CNTN5: variants seen among roughly 807,000 people sequenced by gnomAD.
CNTN5 encodes the protein contactin-5.
A neutral mutation model predicts 129.1 loss-of-function variants in CNTN5; 77 were observed. The observed-to-expected ratio is 0.60, with a 90% confidence interval of 0.50 to 0.72. CNTN5 has a LOEUF of 0.72. Ranked by LOEUF, CNTN5 falls within the 30% of genes least tolerant of loss-of-function variation. The pLI is 0.00. For synonymous variants in CNTN5, 509 were observed against 465.6 expected (o/e 1.09, Z -1.20); for missense variants, 1,478 against 1,328.8 (o/e 1.11, Z -1.75).
intron 6 of CNTN5, among the ~76,000 whole-genome samples, chr11:99,899,342 A>G (rs747578376): frequency 2.6e-5 from 4 of 151,840 alleles, no homozygotes; most frequent in East Asian, 1.9e-4. Context: ...TCCCTGTTCA[A>G]TCTGATGTTG....
At chr11:99,549,718 A>G (rs2135518925) in intron 2 of CNTN5, among the ~76,000 whole-genome samples, 1 of 152,220 alleles carries the variant, frequency 6.6e-6, no homozygotes, top group Admixed American at 6.5e-5. Flanking sequence ...GCATCCCAAC[A>G]CAACACAAGG....
chr11:99,356,920 T>C (rs1470222777), intron 2 of CNTN5, among the ~76,000 whole-genome samples: 1 of 146,080 alleles, frequency 6.8e-6, no homozygotes, highest in Non-Finnish European at 1.5e-5. Flanking sequence ...AATAAAGATC[T>C]TTACTTAAAT....
intron 2 of CNTN5, among the ~76,000 whole-genome samples, chr11:99,553,389 G>A (rs1002400073): frequency 1.3e-5 from 2 of 151,966 alleles, no homozygotes; most frequent in South Asian, 2.1e-4. Context: ...CATCTAGTAG[G>A]AACCTAATAT....
intron 16 of CNTN5, among the ~76,000 whole-genome samples, chr11:100,248,887 C>T (rs1176024388): frequency 1.3e-5 from 2 of 152,256 alleles, no homozygotes; most frequent in East Asian, 1.9e-4. Flanking sequence ...AGTCAATACA[C>T]AACTTTCTGT....
intron 2 of CNTN5, among the ~76,000 whole-genome samples, chr11:99,467,515 G>A (rs1181958602): frequency 3.3e-5 from 5 of 151,860 alleles, no homozygotes; most frequent in Admixed American, 6.6e-5. Flanking sequence ...TGTATAAATC[G>A]TCTTCTCATC....
intron 2 of CNTN5, among the ~76,000 whole-genome samples, chr11:99,362,061 T>C (rs1285006489): frequency 2.0e-5 from 3 of 152,140 alleles, no homozygotes; most frequent in Admixed American, 6.5e-5. Context: ...ATAGTGGCTG[T>C]GCCTCTGTAA....
At chr11:99,715,780 A>T (rs1955192839) in intron 3 of CNTN5, among the ~76,000 whole-genome samples, 2 of 151,950 alleles carry the variant, frequency 1.3e-5, no homozygotes, top group South Asian at 4.1e-4. Flanking sequence ...TTGACTCATG[A>T]TCTCTTTATT....
At chr11:99,251,567 A>G (rs1191603129) in intron 1 of CNTN5, among the ~76,000 whole-genome samples, 1 of 151,864 alleles carries the variant, frequency 6.6e-6, no homozygotes, top group African/African-American at 2.4e-5. Flanking sequence ...ATATTTCTAG[A>G]TTTAAAAAAT....
intron 6 of CNTN5, among the ~76,000 whole-genome samples, chr11:99,898,480 C>A (rs886583348): frequency 2.6e-5 from 4 of 152,058 alleles, no homozygotes; most frequent in African/African-American, 7.2e-5. Flanking sequence ...AGATAAATAG[C>A]ATAGTTCCTG....
intron 3 of CNTN5, among the ~76,000 whole-genome samples, chr11:99,632,281 C>T (rs991270548): frequency 2.6e-5 from 4 of 151,996 alleles, no homozygotes; most frequent in Admixed American, 1.3e-4. Context: ...TGTAAATGTT[C>T]ATAGTAATTA....
chr11:99,975,547 C>A (rs1937893136), intron 8 of CNTN5, among the ~76,000 whole-genome samples: 1 of 152,150 alleles, frequency 6.6e-6, no homozygotes, highest in Non-Finnish European at 1.5e-5. Context: ...TTAATTGACT[C>A]ACAGATCCAC....
intron 13 of CNTN5, among the ~76,000 whole-genome samples, chr11:100,165,615 C>T (rs568785446): frequency 1.3e-5 from 2 of 151,862 alleles, no homozygotes; most frequent in South Asian, 4.2e-4. Flanking sequence ...AATTCCCTAT[C>T]TCTGAAAGTT....
intron 1 of CNTN5, among the ~76,000 whole-genome samples, chr11:99,089,092 C>A (rs922573258): frequency 1.3e-5 from 2 of 151,936 alleles, no homozygotes; most frequent in African/African-American, 2.4e-5. Context: ...GTATAAATAC[C>A]AGTTCACATA....
chr11:99,680,522 C>T (rs767495405), intron 3 of CNTN5, among the ~76,000 whole-genome samples: 22 of 151,812 alleles, frequency 1.4e-4, no homozygotes, highest in Non-Finnish European at 2.5e-4. Context: ...AGCCCACTGT[C>T]GAGATTTAAT....
At chr11:99,197,530 C>T (rs1858964753) in intron 1 of CNTN5, among the ~76,000 whole-genome samples, 1 of 152,000 alleles carries the variant, frequency 6.6e-6, no homozygotes, top group Non-Finnish European at 1.5e-5. Context: ...AAATCAAAAT[C>T]TGATCTATTT....
At chr11:99,071,640 T>C (rs943871460) in intron 1 of CNTN5, among the ~76,000 whole-genome samples, 1 of 152,166 alleles carries the variant, frequency 6.6e-6, no homozygotes, top group African/African-American at 2.4e-5. Flanking sequence ...ATGTACTTCA[T>C]ATATATTTGC....
At chr11:99,275,781 A>G (rs970980488) in intron 1 of CNTN5, among the ~76,000 whole-genome samples, 3 of 151,706 alleles carry the variant, frequency 2.0e-5, no homozygotes, top group Non-Finnish European at 4.4e-5. Context: ...ACTAAGATAT[A>G]AAGTGCAAGT....
chr11:99,532,042 C>T lies in CNTN5; in HGVS notation c.-70-24103C>T, dbSNP rs555290189. The stretch of plus-strand genomic sequence containing the variant: ...GACCCTAGAATGGCAGATCCACCGA[C>T]AGCTTGCCCCGTGTGCCTGGAAAAG... On this transcript the variant is annotated intron_variant, in intron 2 of 24. Transcript: ENST00000524871. Among the ~76,000 whole-genome samples the T allele has an allele frequency of 3.2e-4, 48 of 152,200 alleles. No individual in the cohort carries two copies. In the South Asian group the frequency reaches 8.5e-3, roughly 27 times the overall value.
chr11:99,891,966 A>G (rs117401592), intron 6 of CNTN5, among the ~76,000 whole-genome samples: 7,086 of 152,198 alleles, frequency 0.047, 244 homozygotes, highest in Non-Finnish European at 0.068. Flanking sequence ...AAGCATTTCT[A>G]TCTCTCCACA....
Sources: allele counts gnomAD v4.1 joint callset (sites outside exome capture counted in the v4.1 genomes callset), GRCh38; gene constraint gnomAD v4.1.1; transcripts MANE v1.5; gene names NCBI Gene and HGNC (gene_info 2026-07-23, HGNC 2026-07-21).